Variants in TARBP1 observed in about 807,000 individuals in gnomAD.
TARBP1 encodes tRNA (guanosine(18)-2'-O)-methyltransferase TARBP1.
A neutral mutation model predicts 178.6 loss-of-function variants in TARBP1; 144 were observed. That is an observed-to-expected ratio of 0.81 (90% CI 0.70 to 0.93). The LOEUF is 0.93. Among genes scored for constraint, TARBP1 ranks in the 40% least tolerant of loss-of-function variants. TARBP1 has a pLI of 0.00. For synonymous variants in TARBP1, 787 were observed against 781.0 expected (o/e 1.01, Z -0.13); for missense variants, 2,067 against 2,011.7 (o/e 1.03, Z -0.53).
chr1:234,394,074 T>A (rs1659677269), intron 26 of TARBP1, among the ~76,000 whole-genome samples: 1 of 152,186 alleles, frequency 6.6e-6, no homozygotes, highest in African/African-American at 2.4e-5. Context: ...TTATGATACT[T>A]CATGGAAACA....
At chr1:234,412,113 G>A (rs1033759053) in intron 22 of TARBP1, among the ~76,000 whole-genome samples, 2 of 152,164 alleles carry the variant, frequency 1.3e-5, no homozygotes, top group Admixed American at 1.3e-4. Context: ...TACTTGGGGA[G>A]GTAACTTCCT....
In TARBP1 at chr1:234,431,420, A is replaced by G. The variant is rs528728639; in HGVS notation, c.2395-1119T>C. Among the ~76,000 whole-genome samples the G allele has an allele frequency of 2.6e-5, 4 of 152,348 alleles. No homozygotes were observed. In the South Asian group the frequency reaches 8.3e-4, roughly 32 times the overall value. ...TATTTAGAACTCACAATGTTCTTTC[A>G]TAACACTAACAGACTAATAGGTACT... On this transcript the variant is annotated intron_variant, in intron 14 of 29. Coordinates refer to ENST00000040877, the MANE Select transcript of TARBP1 (RefSeq NM_005646.4).
At chr1:234,408,980 C>T (rs1661539678) in intron 23 of TARBP1, among the ~76,000 whole-genome samples, 1 of 152,204 alleles carries the variant, frequency 6.6e-6, no homozygotes. Flanking sequence ...TTGCTCAGTA[C>T]AGATCCCACA....
intron 27 of TARBP1, 45 bp downstream of exon 27, chr1:234,393,601 G>A: frequency 6.3e-7 from 1 of 1,587,718 alleles, no homozygotes; most frequent in Non-Finnish European, 8.6e-7. Flanking sequence ...AAATGTTGAA[G>A]ACCAAAAGCT....
chr1:234,398,628 CTTAA>C, intron 25 of TARBP1, 75 bp from the exon 26 acceptor site: 4 of 1,120,910 alleles, frequency 3.6e-6, no homozygotes, highest in Admixed American at 3.0e-5. Flanking sequence ...TAAAATACAA[CTTAA>C]TTATTAATGA....
rs748937202 is a variant in TARBP1 at position 234,427,576 on chromosome 1, C to A, written c.3251G>T (p.Arg1084Ile). ...CAGTTGAAATAATAGCATCTTTTAC[C>A]TTTGATCACGCCTAAACACAGTTCC... ...IFGTVFRRDQ[R>I]LVQDVQTFIE... The change falls in exon 18 of 30, where the codon AGA (arginine) becomes ATA (isoleucine). Residue 1084 changes from arginine (R) to isoleucine (I), a missense_variant and splice_region_variant. Arg to Ile is a moderately conservative substitution (Grantham distance 97, BLOSUM62 -3). Transcript: ENST00000040877. 3 of 1,594,484 alleles carry A rather than the reference C, an allele frequency of 1.9e-6. No individual in the cohort carries two copies. Among genetic ancestry groups the A allele is most frequent in the Non-Finnish European group, 2.6e-6 (3 of 1,174,618 alleles).
chr1:234,478,551 C>T lies in TARBP1; in HGVS notation c.553G>A (p.Glu185Lys). The T allele has an allele frequency of 2.2e-6, 3 of 1,344,198 alleles. No individual in the cohort carries two copies. Among genetic ancestry groups the T allele is most frequent in the Non-Finnish European group, 2.9e-6 (3 of 1,046,672 alleles). 83.3% of individuals were successfully genotyped at this position (1,344,198 alleles called of 1,614,324 possible). Residue 185 changes from glutamate (E) to lysine (K), a missense_variant, in exon 1 of 30, where the codon GAG becomes AAG. Transcript: ENST00000040877. ...GGDGDEAGPA[E>K]DAAALVAGRL... The stretch of plus-strand genomic sequence containing the variant: ...CCGGCCACCAGCGCCGCCGCGTCCT[C>T]GGCAGGCCCGGCCTCATCCCCGTCC...
chr1:234,471,458 C>A (rs1444030938), intron 2 of TARBP1, among the ~76,000 whole-genome samples: 2 of 152,186 alleles, frequency 1.3e-5, no homozygotes, highest in Non-Finnish European at 2.9e-5. Flanking sequence ...AATATAACCA[C>A]ATTACAGCTA....
rs773592970 is a variant in TARBP1, at chr1:234,393,843, A to G, written c.4244-6T>C. On this transcript the variant is annotated splice_polypyrimidine_tract_variant and splice_region_variant and intron_variant, in intron 26 of 29. Transcript: ENST00000040877. The stretch of plus-strand genomic sequence containing the variant: ...TGCTTCGACCAAATTAGTACCTGGG[A>G]AGGAAAAAGAAAACAATCCCACATA... The G allele has an allele frequency of 6.3e-7, 1 of 1,591,454 alleles. No individual in the cohort carries two copies. Among genetic ancestry groups the G allele is most frequent in the East Asian group, 2.2e-5 (1 of 44,552 alleles).
chr1:234,424,851 C>T (rs889811582), intron 20 of TARBP1, among the ~76,000 whole-genome samples: 2 of 152,024 alleles, frequency 1.3e-5, no homozygotes, highest in African/African-American at 2.4e-5. Context: ...TACCTGAGGT[C>T]GGGAGTTCGA....
intron 8 of TARBP1, among the ~76,000 whole-genome samples, chr1:234,458,873 G>A (rs1161421879): frequency 3.3e-5 from 5 of 152,094 alleles, no homozygotes; most frequent in African/African-American, 7.2e-5. Context: ...TCAGTGCCTC[G>A]GGCTTTTCCT....
chr1:234,395,713 TG>T, intron 26 of TARBP1, among the ~76,000 whole-genome samples: 1 of 152,078 alleles, frequency 6.6e-6, no homozygotes, highest in South Asian at 2.1e-4. Flanking sequence ...GGTTTCAAGT[TG>T]GGGACATTAA....
chr1:234,468,049 G>C (rs1156810844), intron 3 of TARBP1, among the ~76,000 whole-genome samples: 1 of 152,036 alleles, frequency 6.6e-6, no homozygotes, highest in Non-Finnish European at 1.5e-5. Context: ...AAAGCACTGG[G>C]ATTACAGGTA....
At chr1:234,399,115 A>ACGG (rs919561920) in intron 25 of TARBP1, among the ~76,000 whole-genome samples, 2 of 152,262 alleles carry the variant, frequency 1.3e-5, no homozygotes, top group Non-Finnish European at 2.9e-5. Context: ...GTTCGTGAAC[A>ACGG]CGGCATAGTC....
intron 2 of TARBP1, among the ~76,000 whole-genome samples, chr1:234,471,470 A>C (rs1293447037): frequency 6.6e-6 from 1 of 152,230 alleles, no homozygotes; most frequent in Non-Finnish European, 1.5e-5. Flanking sequence ...TTACAGCTAC[A>C]TTAAAGTCTA....
intron 22 of TARBP1, among the ~76,000 whole-genome samples, chr1:234,416,164 C>G (rs1265089382): frequency 3.3e-5 from 5 of 152,120 alleles, no homozygotes. Flanking sequence ...CAGTGCTAAC[C>G]CATTTGAGAG....
chr1:234,455,044 A>G (rs1450154188), intron 9 of TARBP1, among the ~76,000 whole-genome samples: 2 of 152,218 alleles, frequency 1.3e-5, no homozygotes, highest in Admixed American at 1.3e-4. Context: ...AGAAAGGACC[A>G]TGAGCCGAGA....
chr1:234,451,177 T>G (rs1666717720), intron 9 of TARBP1, among the ~76,000 whole-genome samples: 1 of 152,208 alleles, frequency 6.6e-6, no homozygotes. Context: ...TTAGAAGGTT[T>G]GCAAATAAAA....
Position 234,430,131 on chromosome 1 carries a change from GT to G in TARBP1, c.2564del (p.His855ProfsTer30). 6.2e-7 allele frequency: 1 copy of G among 1,614,170 alleles called. No individual in the cohort carries two copies. Among genetic ancestry groups the G allele is most frequent in the Non-Finnish European group, 8.5e-7 (1 of 1,180,034 alleles). The part of the protein sequence containing the change: ...LQLNQTLQKP[H>X]AEEQSSYAHP... ...GAGCATAACTGCTCTGCTCCTCTGCGTGGGGCTTCTGCAGCGTCTGATTGAG... is the reference window on the plus strand; with the variant it reads ...GAGCATAACTGCTCTGCTCCTCTGCGGGGGCTTCTGCAGCGTCTGATTGAG... On this transcript the variant is annotated frameshift_variant, in exon 15 of 30. Transcript: ENST00000040877. LOFTEE classifies it high-confidence loss of function.
Sources: gnomAD v4.1 joint callset for allele counts (sites outside exome capture counted in the v4.1 genomes callset) on GRCh38, gnomAD v4.1.1 for gene constraint, MANE v1.5 for transcripts, NCBI Gene and HGNC (gene_info 2026-07-23, HGNC 2026-07-21) for gene names.